RBM44: variants seen among roughly 807,000 people sequenced by gnomAD.
The protein encoded by RBM44 is RNA-binding protein 44.
RBM44 carries 66 observed loss-of-function variants against 105.1 expected under a neutral mutation model. The observed-to-expected ratio is 0.63, with a 90% CI of 0.52 to 0.77. The LOEUF is 0.77. RBM44 is among the 30% of genes least tolerant of loss of function. RBM44 has a pLI of 0.00. For synonymous variants in RBM44, 365 were observed against 417.6 expected, an observed-to-expected ratio of 0.87 and a Z score of 1.54; for missense variants, 1,122 against 1,207.8, an observed-to-expected ratio of 0.93 and a Z score of 1.05.
In RBM44 at chr2:237,818,103, A is replaced by G. The variant is rs1406171720; in HGVS notation, c.1184A>G (p.Tyr395Cys). The change falls in exon 3 of 16, where the codon TAT (tyrosine) becomes TGT (cysteine). Residue 395 changes from tyrosine (Y) to cysteine (C), a missense_variant. By Grantham distance (194) the Tyr-to-Cys change is radical (BLOSUM62 -2). Around this residue, in one of 3 missense-constraint regions of RBM44, gnomAD observed 918 missense variants for 955.3 expected, o/e 0.96. Transcript: ENST00000316997. This position sits in a 1 kb window ranked among gnomAD's most constrained non-coding sequence, Gnocchi z 4.6. ...GATTCGATAATTTCTGCCTGTGGATATTATGAAAGCCTACAAAACACTGCT... is the reference window on the plus strand; with the variant it reads ...GATTCGATAATTTCTGCCTGTGGATGTTATGAAAGCCTACAAAACACTGCT... ...FDDSIISACG[Y>C]YESLQNTADS... 3.1e-6 allele frequency: 5 copies of G among 1,612,784 alleles called. No individual in the cohort carries two copies. Among genetic ancestry groups the G allele is most frequent in the African/African-American group, 2.7e-5 (2 of 74,830 alleles).
At position 237,817,750 on chromosome 2, in the gene RBM44, G is replaced by A; in HGVS notation, c.831G>A (p.Lys277=). ...TGTTAAGAGAATATCATGACCTAAA[G>A]CATGAAAAGTATAAGGAACAAGAGA... ...SVMLREYHDL[K]HEKYKEQETN... Residue 277 remains lysine (K), a synonymous_variant, in exon 3 of 16, where the codon AAG becomes AAA. Coordinates refer to ENST00000316997, the MANE Select transcript of RBM44 (RefSeq NM_001080504.3). The A allele has an allele frequency of 7.4e-6, 12 of 1,611,932 alleles. No individual in the cohort carries two copies. Among genetic ancestry groups the A allele is most frequent in the Non-Finnish European group, 1.0e-5 (12 of 1,178,924 alleles).
intron 12 of RBM44, among the ~76,000 whole-genome samples, chr2:237,828,965 G>T (rs908970182): frequency 8.5e-5 from 13 of 152,074 alleles, no homozygotes; most frequent in African/African-American, 3.1e-4. Context: ...TTTTACATTA[G>T]ATTTTAATAT....
rs764148846 is a variant in RBM44, at chr2:237,818,451, A to C, written c.1532A>C (p.Gln511Pro). The C allele has an allele frequency of 1.9e-6, 3 of 1,613,146 alleles. No individual in the cohort carries two copies. The highest frequency in any genetic ancestry group is 2.5e-6 in the Non-Finnish European group (3 of 1,179,498). Residue 511 changes from glutamine (Q) to proline (P), a missense_variant, in exon 3 of 16, where the codon CAA (glutamine) becomes CCA (proline). By Grantham distance (76) the Gln-to-Pro change is moderately conservative. Around this residue, in one of 3 missense-constraint regions of RBM44, gnomAD observed 918 missense variants for 955.3 expected, o/e 0.96. Coordinates refer to ENST00000316997, the MANE Select transcript of RBM44 (RefSeq NM_001080504.3). This position sits in a 1 kb window ranked among gnomAD's most constrained non-coding sequence, Gnocchi z 4.6. ...MMNKKRPDEW[Q>P]NEKQKSVACS... ...AATAAAAAACGACCTGATGAATGGCAAAATGAGAAACAAAAAAGTGTGGCT... is the reference window on the plus strand; with the variant it reads ...AATAAAAAACGACCTGATGAATGGCCAAATGAGAAACAAAAAAGTGTGGCT...
intron 13 of RBM44, among the ~76,000 whole-genome samples, chr2:237,830,344 T>C (rs2061891248): frequency 6.6e-6 from 1 of 152,204 alleles, no homozygotes; most frequent in Non-Finnish European, 1.5e-5. Flanking sequence ...AATATTCTGA[T>C]TTTAAGTCCT....
intron 8 of RBM44, among the ~76,000 whole-genome samples, chr2:237,823,060 A>G (rs1027864266): frequency 6.6e-6 from 1 of 151,908 alleles, no homozygotes; most frequent in Non-Finnish European, 1.5e-5. Context: ...ACACATAAGC[A>G]TACGCTAAAT....
Position 237,803,731 on chromosome 2 carries a change from C to T in RBM44, c.-19+4870C>T, listed in dbSNP as rs1006324162. Among the ~76,000 whole-genome samples, 2 of 152,084 alleles carry T rather than the reference C, an allele frequency of 1.3e-5. No homozygotes were observed. Among genetic ancestry groups the T allele is most frequent in the African/African-American group, 2.4e-5 (1 of 41,382 alleles). On this transcript the variant is annotated intron_variant, in intron 1 of 15. Transcript: ENST00000316997. The surrounding 1 kb of genome is among the most constrained non-coding windows in gnomAD (Gnocchi z 4.2). ...GAATATATTGTTGTGTTTTGAGAAACATTATAAATTTGGTTTTCACATTTA... is the reference window on the plus strand; with the variant it reads ...GAATATATTGTTGTGTTTTGAGAAATATTATAAATTTGGTTTTCACATTTA...
intron 1 of RBM44, chr2:237,799,205 C>T (rs987234000): frequency 1.3e-5 from 2 of 152,162 alleles, no homozygotes; most frequent in African/African-American, 4.8e-5. Flanking sequence ...TTCTTCTTGC[C>T]GTGGAGACTG....
In RBM44 at chr2:237,820,263, C is replaced by A; in HGVS notation, c.1825C>A (p.His609Asn). ...IMQRAIKAEL[H>N]LLNVHYQMCR... ...GCAGAGAGCCATAAAAGCAGAGCTG[C>A]ACCTTTTAAATGTTCACTATCAGAT... The change falls in exon 5 of 16, where the codon CAC (histidine) becomes AAC (asparagine). Residue 609 changes from histidine (H) to asparagine (N), a missense_variant. This residue lies in a region of RBM44 where 918 missense variants were observed against 955.3 expected (regional missense o/e 0.96). Coordinates refer to ENST00000316997, the MANE Select transcript of RBM44 (RefSeq NM_001080504.3). 1 of 1,600,344 alleles carries A rather than the reference C, an allele frequency of 6.2e-7. No homozygotes were observed. Among genetic ancestry groups the A allele is most frequent in the South Asian group, 1.1e-5 (1 of 89,102 alleles).
Position 237,817,910 on chromosome 2 carries a change from A to C in RBM44, c.991A>C (p.Met331Leu), listed in dbSNP as rs1259017627. The change falls in exon 3 of 16, where the codon ATG (methionine) becomes CTG (leucine). Residue 331 changes from methionine (M) to leucine (L), a missense_variant. Around this residue, in one of 3 missense-constraint regions of RBM44, gnomAD observed 918 missense variants for 955.3 expected, o/e 0.96. Transcript: ENST00000316997. ...VLKMKIYTEN[M>L]KSQINEGKDF... ...AAAAATGAAAATTTATACTGAAAAC[A>C]TGAAATCTCAAATAAATGAAGGTAA... 1 of 1,598,572 alleles carries C rather than the reference A, an allele frequency of 6.3e-7. No individual in the cohort carries two copies. Among genetic ancestry groups the C allele is most frequent in the East Asian group, 2.2e-5 (1 of 44,788 alleles).
chr2:237,838,789 GGAA>G (rs2061983111), intron 15 of RBM44, among the ~76,000 whole-genome samples: 1 of 152,154 alleles, frequency 6.6e-6, no homozygotes, highest in African/African-American at 2.4e-5. Context: ...AAAGTCTGGA[GGAA>G]ACAGGGTTCC....
At chr2:237,816,595 AG>A (rs1299155919) in intron 2 of RBM44, among the ~76,000 whole-genome samples, 1 of 152,126 alleles carries the variant, frequency 6.6e-6, no homozygotes, top group East Asian at 1.9e-4. Flanking sequence ...TCTGAGATCA[AG>A]GTGCCAGCAT....
At chr2:237,812,856 G>A (rs1391116642) in intron 1 of RBM44, among the ~76,000 whole-genome samples, 1 of 152,064 alleles carries the variant, frequency 6.6e-6, no homozygotes, top group Non-Finnish European at 1.5e-5. Context: ...TGGCAGCTGG[G>A]TTCAGAGTCA....
chr2:237,823,134 T>TAC (rs3053646), intron 8 of RBM44, among the ~76,000 whole-genome samples: 19,661 of 151,548 alleles, frequency 0.13, 1,667 homozygotes, highest in East Asian at 0.41. Context: ...TATATATATA[T>TAC]ACACCTCCAA....
rs559015466 is a variant in RBM44, at chr2:237,805,413, C to A, written c.-19+6552C>A. Among the ~76,000 whole-genome samples the A allele has an allele frequency of 4.6e-5, 7 of 152,260 alleles. No homozygotes were observed. In the East Asian group the frequency reaches 1.4e-3, roughly 29 times the overall value. The stretch of plus-strand genomic sequence containing the variant: ...ATATTGTAAAAATGGCCATACTCCC[C>A]AAATCAATCTACAGATTCAACACTA... On this transcript the variant is annotated intron_variant, in intron 1 of 15. Coordinates refer to ENST00000316997, the MANE Select transcript of RBM44 (RefSeq NM_001080504.3).
chr2:237,839,226 A>G (rs535467957), intron 15 of RBM44, among the ~76,000 whole-genome samples: 2 of 152,252 alleles, frequency 1.3e-5, no homozygotes, highest in Admixed American at 1.3e-4. Flanking sequence ...TCTGGGGGCA[A>G]CTACTAAAAG....
chr2:237,819,428 G>C (rs1404424868), intron 4 of RBM44, among the ~76,000 whole-genome samples: 1 of 152,068 alleles, frequency 6.6e-6, no homozygotes, highest in African/African-American at 2.4e-5. Flanking sequence ...GGGAGGGAGA[G>C]AAACAGGGAA....
Position 237,841,754 on chromosome 2 carries a change from A to T in RBM44, c.*23-85A>T, listed in dbSNP as rs2062013583. 1 of 152,222 alleles carries T rather than the reference A, an allele frequency of 6.6e-6. No homozygotes were observed. The highest frequency in any genetic ancestry group is 2.4e-5 in the African/African-American group (1 of 41,458). 9.4% of individuals were successfully genotyped at this position (152,222 alleles called of 1,614,324 possible). ...ATTTGTTAAAAGATATTCTAGTACC[A>T]TTAGAAACAATCAAGTGTCTAGGAA... On this transcript the variant is annotated intron_variant, in intron 15 of 15. Transcript: ENST00000316997. This position sits in a 1 kb window ranked among gnomAD's most constrained non-coding sequence, Gnocchi z 4.5.
At chr2:237,811,064 A>T (rs1412012779) in intron 1 of RBM44, among the ~76,000 whole-genome samples, 1 of 152,054 alleles carries the variant, frequency 6.6e-6, no homozygotes, top group Non-Finnish European at 1.5e-5. Flanking sequence ...TTCAACTTCC[A>T]AAGAAAAGGA....
chr2:237,840,796 G>A (rs1207167762), intron 15 of RBM44, among the ~76,000 whole-genome samples: 1 of 152,110 alleles, frequency 6.6e-6, no homozygotes, highest in Non-Finnish European at 1.5e-5. Context: ...ATACATTCAC[G>A]TGGCCAACAA....
Sources: gnomAD v4.1 joint callset for allele counts (sites outside exome capture counted in the v4.1 genomes callset) on GRCh38, gnomAD v4.1.1 for gene constraint, gnomAD v4.1.1 regional missense constraint, Gnocchi (gnomAD v3.1) non-coding constraint, MANE v1.5 for transcripts, NCBI Gene and HGNC (gene_info 2026-07-23, HGNC 2026-07-21) for gene names.